The following RGS6 variants were observed in gnomAD, a reference collection of about 807,000 sequenced individuals.
RGS6 encodes regulator of G-protein signaling 6.
RGS6 carries 30 observed loss-of-function variants against 78.5 expected under a neutral mutation model. That is an observed-to-expected ratio of 0.38 (90% CI 0.29 to 0.52). RGS6 has a LOEUF of 0.52. Ranked by LOEUF, RGS6 falls within the 20% of genes least tolerant of loss-of-function variation. RGS6 has a pLI of 0.85. For synonymous variants in RGS6, 206 were observed against 206.0 expected (o/e 1.00, Z 0.00); for missense variants, 495 against 609.7 (o/e 0.81, Z 1.98).
At chr14:71,873,546 T>C in the RGS6 span, among the ~76,000 whole-genome samples, 4 of 152,226 alleles carry the variant, frequency 2.6e-5, no homozygotes, top group Non-Finnish European at 5.9e-5. Flanking sequence ...ATATTAGCCC[T>C]TTGTCAGATG....
At chr14:72,067,124 G>C (rs565326769) in intron 2 of RGS6, among the ~76,000 whole-genome samples, 64 of 152,202 alleles carry the variant, frequency 4.2e-4, no homozygotes, top group African/African-American at 1.3e-3. Context: ...ATAAACATAC[G>C]TGTGCATGTG....
chr14:72,228,235 G>A (rs1483722856), intron 2 of RGS6, among the ~76,000 whole-genome samples: 2 of 152,092 alleles, frequency 1.3e-5, no homozygotes, highest in Non-Finnish European at 2.9e-5. Context: ...AAAAAAATTA[G>A]CCCTGCATTG....
chr14:71,944,417 C>T (rs1292571312), intron 1 of RGS6, among the ~76,000 whole-genome samples: 1 of 152,156 alleles, frequency 6.6e-6, no homozygotes, highest in East Asian at 1.9e-4. Context: ...CCCCAAAGTC[C>T]TTGTGCTGTT....
intron 2 of RGS6, among the ~76,000 whole-genome samples, chr14:72,298,455 TCCC>T (rs55682488): frequency 9.9e-5 from 7 of 70,686 alleles, no homozygotes; most frequent in African/African-American, 4.3e-4. Context: ...TTTTTTTTTT[TCCC>T]CCCCTCTGAG....
chr14:72,201,309 T>C (rs373011350), intron 2 of RGS6, among the ~76,000 whole-genome samples: 7 of 152,356 alleles, frequency 4.6e-5, no homozygotes, highest in Admixed American at 2.0e-4. Flanking sequence ...TTAACATTTA[T>C]TGGGCACCTA....
chr14:71,978,844 G>T (rs1595561092), intron 2 of RGS6, among the ~76,000 whole-genome samples: 1 of 151,234 alleles, frequency 6.6e-6, no homozygotes, highest in East Asian at 2.0e-4. Flanking sequence ...AATGGTACCA[G>T]CTCCTCCTTG....
intron 2 of RGS6, among the ~76,000 whole-genome samples, chr14:72,010,815 G>A (rs941402861): frequency 3.9e-5 from 6 of 152,292 alleles, no homozygotes; most frequent in Non-Finnish European, 7.3e-5. Flanking sequence ...CTGAAGGAAC[G>A]TGATGTTAAC....
the RGS6 span, among the ~76,000 whole-genome samples, chr14:71,913,951 T>G: frequency 6.6e-6 from 1 of 152,248 alleles, no homozygotes; most frequent in African/African-American, 2.4e-5. Flanking sequence ...TTAGAACTCA[T>G]GGTCATCAAA....
intron 2 of RGS6, among the ~76,000 whole-genome samples, chr14:72,017,286 G>A (rs2087236261): frequency 6.6e-6 from 1 of 152,070 alleles, no homozygotes. Context: ...CTGGTGTATA[G>A]GAATGTTATT....
At chr14:72,230,442 T>G (rs1368367322) in intron 2 of RGS6, among the ~76,000 whole-genome samples, 2 of 152,068 alleles carry the variant, frequency 1.3e-5, no homozygotes, top group African/African-American at 2.4e-5. Flanking sequence ...AAAAGCTAGT[T>G]GAGGGTTTGA....
At chr14:72,201,917 A>G (rs564664791) in intron 2 of RGS6, among the ~76,000 whole-genome samples, 3 of 152,236 alleles carry the variant, frequency 2.0e-5, no homozygotes, top group Non-Finnish European at 4.4e-5. Context: ...CAGGAAAAAA[A>G]AATTGCCAAC....
chr14:72,457,838 G>A (rs985018465), intron 4 of RGS6, among the ~76,000 whole-genome samples: 4 of 152,158 alleles, frequency 2.6e-5, no homozygotes, highest in African/African-American at 7.2e-5. Flanking sequence ...GTCTCTATGG[G>A]CAGCGAGGCT....
chr14:72,495,363 C>T lies in RGS6; in HGVS notation c.965+101C>T, dbSNP rs541290042. Reference sequence around the variant, plus strand: ...TCTATCTTAATTTGACATTTTTTATCGCTAGAACAGAAACCCCTCAAGTAG... The same window carrying T: ...TCTATCTTAATTTGACATTTTTTATTGCTAGAACAGAAACCCCTCAAGTAG... On this transcript the variant is annotated intron_variant, in intron 13 of 17. Transcript: ENST00000553525. 1.7e-3 allele frequency: 1,392 copies of T among 818,214 alleles called. 24 individuals carry two copies. In the South Asian group the frequency reaches 0.018, roughly 10 times the overall value. 50.7% of individuals were successfully genotyped at this position (818,214 alleles called of 1,614,324 possible).
intron 3 of RGS6, among the ~76,000 whole-genome samples, chr14:72,372,578 G>A (rs1211365126): frequency 6.6e-6 from 1 of 152,172 alleles, no homozygotes; most frequent in Admixed American, 6.5e-5. Flanking sequence ...ATTTATCCAG[G>A]TATAAAAGTA....
chr14:72,335,295 C>G (rs191263385), intron 2 of RGS6, among the ~76,000 whole-genome samples: 145 of 152,262 alleles, frequency 9.5e-4, no homozygotes, highest in Admixed American at 3.8e-3. Flanking sequence ...ATGTTGCAGA[C>G]CACTTTTCCT....
At chr14:72,381,907 G>A (rs1409338727) in intron 3 of RGS6, among the ~76,000 whole-genome samples, 5 of 151,832 alleles carry the variant, frequency 3.3e-5, no homozygotes, top group Non-Finnish European at 7.4e-5. Context: ...TCTATTGTTC[G>A]GAAAAATGGT....
intron 17 of RGS6, among the ~76,000 whole-genome samples, chr14:72,555,053 A>G (rs1009843965): frequency 5.9e-5 from 9 of 152,222 alleles, no homozygotes; most frequent in Non-Finnish European, 1.2e-4. Context: ...ACCAGCAGGG[A>G]GGGCTTCCTC....
chr14:72,559,950 C>T (rs2097647839), intron 17 of RGS6, among the ~76,000 whole-genome samples: 1 of 152,136 alleles, frequency 6.6e-6, no homozygotes, highest in African/African-American at 2.4e-5. Flanking sequence ...GAATCTCCAA[C>T]CTCCCTCAAC....
chr14:72,582,530 G>A, the RGS6 span, among the ~76,000 whole-genome samples: 1 of 152,144 alleles, frequency 6.6e-6, no homozygotes, highest in Non-Finnish European at 1.5e-5. Flanking sequence ...CAAAATAGAT[G>A]GCAAAATCAC....
Sources: allele counts gnomAD v4.1 joint callset (sites outside exome capture counted in the v4.1 genomes callset), GRCh38; gene constraint gnomAD v4.1.1; transcripts MANE v1.5; gene names NCBI Gene and HGNC (gene_info 2026-07-23, HGNC 2026-07-21).